Variants in MAPK15 observed in about 807,000 individuals in gnomAD.
MAPK15 encodes ERK-7.
MAPK15 carries 61 observed loss-of-function variants against 60.8 expected under a neutral mutation model. That is an observed-to-expected ratio of 1.00 (90% confidence interval 0.82 to 1.24). The LOEUF (loss-of-function observed/expected upper bound fraction) is 1.24, where lower values mean the gene tolerates loss of function less well. Ranked by LOEUF, MAPK15 falls within the 50% of genes most tolerant of loss-of-function variation. The pLI, the probability that MAPK15 is intolerant of heterozygous loss-of-function variation, is 0.00. For missense variants in MAPK15, 808 were observed against 741.1 expected, an observed-to-expected ratio of 1.09 and a Z score of -1.05; for synonymous variants, 356 against 319.9, an observed-to-expected ratio of 1.11 and a Z score of -1.21.
chr8:143,719,530 C>T (rs782119308), intron 7 of MAPK15, 48 bp downstream of exon 7: 18 of 1,589,912 alleles, frequency 1.1e-5, no homozygotes, highest in African/African-American at 5.4e-5. Flanking sequence ...GCAGGTCAGA[C>T]AGCACAGCTG....
In MAPK15 at chr8:143,722,451, G is replaced by A; in HGVS notation, c.*200G>A. On this transcript the variant is annotated 3_prime_UTR_variant, in exon 14 of 14. Coordinates refer to ENST00000338033, the MANE Select transcript of MAPK15 (RefSeq NM_139021.3). ...GACTTCCTCCAATAAAGTCATGTCT[G>A]CCCCCAACCTAAGCAGCCATCGTTC... is the stretch of plus-strand genomic sequence containing the variant. 4.0e-6 allele frequency: 2 copies of A among 499,544 alleles called. No individual in the cohort carries two copies. The highest frequency in any genetic ancestry group is 3.4e-5 in the East Asian group (1 of 29,248). 30.9% of individuals were successfully genotyped at this position (499,544 alleles called of 1,614,324 possible).
Position 143,718,792 on chromosome 8 carries a change from G to A in MAPK15, c.304G>A (p.Val102Ile), listed in dbSNP as rs1330321676. 1 of 1,566,986 alleles carries A rather than the reference G, an allele frequency of 6.4e-7. No homozygotes were observed. Among genetic ancestry groups the A allele is most frequent in the Non-Finnish European group, 8.7e-7 (1 of 1,154,798 alleles). Residue 102 changes from valine to isoleucine, a missense_variant, in exon 5 of 14, where the codon GTC becomes ATC. Physicochemically the swap from Val to Ile is conservative, Grantham distance 29. Coordinates refer to ENST00000338033, the MANE Select transcript of MAPK15 (RefSeq NM_139021.3). ...CTCTGCAGACACTGACCTGAACGCA[G>A]TCATCCGGAAGGGCGGCCTGCTGCA... ...FEFMDTDLNA[V>I]IRKGGLLQDV...
chr8:143,721,382 G>A lies in MAPK15; in HGVS notation c.1175G>A (p.Ser392Asn), dbSNP rs1554619805. Residue 392 changes from serine to asparagine, a missense_variant, in exon 11 of 14, where the codon AGC (serine) becomes AAC (asparagine). Transcript: ENST00000338033. ...CAGGGTCCCAGACCCAGGCCCCAGA[G>A]CAGCCCAGGCCATGACCCTGCCGAG... The part of the protein sequence containing the change: ...PVQGPRPRPQ[S>N]SPGHDPAEHE... The A allele has an allele frequency of 6.2e-7, 1 of 1,612,634 alleles. No homozygotes were observed. Among genetic ancestry groups the A allele is most frequent in the Non-Finnish European group, 8.5e-7 (1 of 1,179,510 alleles).
At chr8:143,717,172 C>T (rs1472636583) in intron 1 of MAPK15, among the ~76,000 whole-genome samples, 1 of 152,096 alleles carries the variant, frequency 6.6e-6, no homozygotes, top group Non-Finnish European at 1.5e-5. Flanking sequence ...GCTGGTGTCA[C>T]TTTACAAGGC....
chr8:143,718,910 G>C lies in MAPK15; in HGVS notation c.417+5G>C. On this transcript the variant is annotated splice_donor_5th_base_variant and intron_variant, in intron 5 of 13. Transcript: ENST00000338033. ...GTTGTGCACCGGGACCAGAAGGTGC[G>C]GTTCCCCCGCCCCCGCTATGCCACG... 6.2e-7 allele frequency: 1 copy of C among 1,602,298 alleles called. No individual in the cohort carries two copies. Among genetic ancestry groups the C allele is most frequent in the Non-Finnish European group, 8.5e-7 (1 of 1,173,738 alleles).
rs1554619860 is a variant in MAPK15 at position 143,721,588 on chromosome 8, C to G, written c.1244C>G (p.Ser415Cys). ...RAAKNVPRQNSAPLLQTALLG... is the reference protein window; with the variant it reads ...RAAKNVPRQNCAPLLQTALLG... ...GCCAAGAACGTTCCCAGGCAGAACTCCGCTCCCCTGCTCCAAACTGCTCTC... is the reference window on the plus strand; with the variant it reads ...GCCAAGAACGTTCCCAGGCAGAACTGCGCTCCCCTGCTCCAAACTGCTCTC... Residue 415 changes from serine (S) to cysteine (C), a missense_variant, in exon 12 of 14, where the codon TCC becomes TGC. By Grantham distance (112) the Ser-to-Cys change is moderately radical. Transcript: ENST00000338033. The G allele has an allele frequency of 6.2e-7, 1 of 1,613,548 alleles. No individual in the cohort carries two copies. The highest frequency in any genetic ancestry group is 8.5e-7 in the Non-Finnish European group (1 of 1,179,766).
chr8:143,718,736 GC>G (rs1169141627), intron 4 of MAPK15, 38 bp from the exon 5 acceptor site: 45 of 132,344 alleles, frequency 3.4e-4, no homozygotes, highest in Admixed American at 5.0e-4. Flanking sequence ...TGCCCCCCCA[GC>G]CCCCCACCCC....
At chr8:143,716,512 C>T (rs1222508894) in intron 1 of MAPK15, 69 bp downstream of exon 1, 7 of 1,456,202 alleles carry the variant, frequency 4.8e-6, no homozygotes, top group South Asian at 3.8e-5. Context: ...ACCTGCGGGG[C>T]GCGGCCGGTC....
rs1818123920 is a variant in MAPK15 at position 143,722,424 on chromosome 8, C to G, written c.*173C>G. 1 of 543,364 alleles carries G rather than the reference C, an allele frequency of 1.8e-6. No individual in the cohort carries two copies. Among genetic ancestry groups the G allele is most frequent in the Non-Finnish European group, 3.2e-6 (1 of 316,116 alleles). The allele number at this position is 543,364 out of a possible 1,614,324, so 33.7% of individuals were successfully genotyped here. On this transcript the variant is annotated 3_prime_UTR_variant, in exon 14 of 14. Transcript: ENST00000338033. ...AGATGAGGGCCCTGCCCCCGCCCCACTGACTTCCTCCAATAAAGTCATGTC... is the reference window on the plus strand; with the variant it reads ...AGATGAGGGCCCTGCCCCCGCCCCAGTGACTTCCTCCAATAAAGTCATGTC...
intron 4 of MAPK15, 33 bp from the exon 5 acceptor site, chr8:143,718,742 C>T (rs1817911509): frequency 1.3e-5 from 18 of 1,410,926 alleles, no homozygotes; most frequent in East Asian, 2.5e-5. Flanking sequence ...CCCAGCCCCC[C>T]ACCCCCGACT....
intron 4 of MAPK15, chr8:143,718,531 G>T (rs1182444670): frequency 3.2e-6 from 2 of 623,662 alleles, no homozygotes; most frequent in Admixed American, 2.9e-5. Flanking sequence ...TCTGACCACA[G>T]TTTGCAGTTG....
rs782716128 is a variant in MAPK15, at chr8:143,721,655, C to T, written c.1311C>T (p.Pro437=). The change falls in exon 12 of 14, where the codon CCC becomes CCT. Residue 437 remains proline (P), a synonymous_variant. Coordinates refer to ENST00000338033, the MANE Select transcript of MAPK15 (RefSeq NM_139021.3). The part of the protein sequence containing the change: ...GERPPGAKEA[P]PLTLSLVKPS... ...GGCCCCCTGGGGCGAAGGAAGCGCC[C>T]CCCTTGACACTCTCGCTGGTAAGTC... The T allele has an allele frequency of 6.2e-7, 1 of 1,608,792 alleles. No individual in the cohort carries two copies. Among genetic ancestry groups the T allele is most frequent in the Admixed American group, 1.7e-5 (1 of 59,416 alleles).
chr8:143,722,217 G>A lies in MAPK15; in HGVS notation c.1601G>A (p.Gly534Asp), dbSNP rs577018458. Residue 534 changes from glycine to aspartate, a missense_variant, in exon 14 of 14, where the codon GGC becomes GAC. By Grantham distance (94) the Gly-to-Asp change is moderately conservative. Coordinates refer to ENST00000338033, the MANE Select transcript of MAPK15 (RefSeq NM_139021.3). ...AYGTVCHSAL[G>D]HLPLLEGHHV ...GGGACTGTCTGCCACTCGGCACTGG[G>A]CCACCTGCCCCTGCTGGAGGGGCAC... is the stretch of plus-strand genomic sequence containing the variant. 1.5e-5 allele frequency: 24 copies of A among 1,600,342 alleles called. No individual in the cohort carries two copies. In the South Asian group the frequency reaches 2.2e-4, roughly 15 times the overall value.
Position 143,722,107 on chromosome 8 carries a change from C to G in MAPK15, c.1491C>G (p.Pro497=), listed in dbSNP as rs553594616. 5 of 1,612,452 alleles carry G rather than the reference C, an allele frequency of 3.1e-6. No individual in the cohort carries two copies. Among genetic ancestry groups the G allele is most frequent in the Admixed American group, 1.7e-5 (1 of 59,996 alleles). Residue 497 remains proline, a synonymous_variant, in exon 14 of 14, where the codon CCC becomes CCG. Coordinates refer to ENST00000338033, the MANE Select transcript of MAPK15 (RefSeq NM_139021.3). ...VPPRLPPEAR[P]GRRMFSTSAL... ...CCCGGCTTCCTCCGGAGGCCCGGCC[C>G]GGCCGGAGGATGTTCAGCACCTCTG... is the stretch of plus-strand genomic sequence containing the variant.
In MAPK15 at chr8:143,722,043, G is replaced by T. The variant is rs1554620098; in HGVS notation, c.1459-32G>T. 3 of 1,597,634 alleles carry T rather than the reference G, an allele frequency of 1.9e-6. No individual in the cohort carries two copies. In the Admixed American group the frequency reaches 5.2e-5, roughly 27 times the overall value. On this transcript the variant is annotated intron_variant, in intron 13 of 13. Coordinates refer to ENST00000338033, the MANE Select transcript of MAPK15 (RefSeq NM_139021.3). Reference sequence around the variant, plus strand: ...TCCCCTCCACTGCACCCCCTCTGATGGCCCCTTTATGTGACCCTCAACTGT... The same window carrying T: ...TCCCCTCCACTGCACCCCCTCTGATTGCCCCTTTATGTGACCCTCAACTGT...
At chr8:143,717,068 C>G (rs1817840429) in intron 1 of MAPK15, among the ~76,000 whole-genome samples, 1 of 152,092 alleles carries the variant, frequency 6.6e-6, no homozygotes, top group African/African-American at 2.4e-5. Context: ...TGGAGAGAGA[C>G]AGGTGAGTGG....
intron 2 of MAPK15, 115 bp from the exon 3 acceptor site, chr8:143,717,932 C>T: frequency 6.5e-7 from 1 of 1,527,338 alleles, no homozygotes; most frequent in Non-Finnish European, 9.1e-7. Flanking sequence ...TGCCCCCTTG[C>T]CACGCCTGGT....
chr8:143,718,727 G>GGGGCCC, intron 4 of MAPK15, 48 bp from the exon 5 acceptor site: 2 of 514,506 alleles, frequency 3.9e-6, no homozygotes, highest in East Asian at 3.3e-5. Context: ...CCCCCAGGTT[G>GGGGCCC]CCCCCCCAGC....
chr8:143,722,276 C>T lies in MAPK15; in HGVS notation c.*25C>T. Reference sequence around the variant, plus strand: ...AGCCGCCCTACTCCCTTCACCTGGCCCTCTGTTCCTGCCCCAGCCCCTTCC... The same window carrying T: ...AGCCGCCCTACTCCCTTCACCTGGCTCTCTGTTCCTGCCCCAGCCCCTTCC... On this transcript the variant is annotated 3_prime_UTR_variant, in exon 14 of 14. Transcript: ENST00000338033. The T allele has an allele frequency of 1.3e-6, 2 of 1,529,422 alleles. No individual in the cohort carries two copies. The highest frequency in any genetic ancestry group is 1.8e-6 in the Non-Finnish European group (2 of 1,138,634). The allele number at this position is 1,529,422 out of a possible 1,614,324, so 94.7% of individuals were successfully genotyped here.
Sources: gnomAD v4.1 joint callset for allele counts (sites outside exome capture counted in the v4.1 genomes callset) on GRCh38, gnomAD v4.1.1 for gene constraint, MANE v1.5 for transcripts, NCBI Gene and HGNC (gene_info 2026-07-23, HGNC 2026-07-21) for gene names.